CTNNBL1: variants seen among roughly 807,000 people sequenced by gnomAD.
CTNNBL1 encodes the protein catenin beta like 1, also known as beta-catenin-like protein 1.
In CTNNBL1, 31 loss-of-function variants were observed where a neutral mutation model predicts 72.7. The ratio of observed to expected loss-of-function variants is 0.43; its 90% CI spans 0.32 to 0.58. The LOEUF (loss-of-function observed/expected upper bound fraction) is 0.58, where lower values mean the gene tolerates loss of function less well. Ranked by LOEUF, CTNNBL1 falls within the 20% of genes least tolerant of loss-of-function variation. The pLI is 0.08. For synonymous variants in CTNNBL1, 240 were observed against 267.3 expected (o/e 0.90, Z 1.00); for missense variants, 534 against 725.1 (o/e 0.74, Z 3.03).
At chr20:37,828,082 C>T (rs904984739) in intron 11 of CTNNBL1, among the ~76,000 whole-genome samples, 6 of 152,152 alleles carry the variant, frequency 3.9e-5, no homozygotes, top group African/African-American at 9.7e-5. Context: ...TTTATACATA[C>T]GTACCTCTTC....
intron 7 of CTNNBL1, among the ~76,000 whole-genome samples, chr20:37,771,371 C>CCTT: frequency 6.6e-6 from 1 of 152,264 alleles, no homozygotes; most frequent in Admixed American, 6.5e-5. Context: ...GAAATGTGGA[C>CCTT]CTTCTTGTTA....
intron 13 of CTNNBL1, among the ~76,000 whole-genome samples, chr20:37,851,302 C>T (rs1450548499): frequency 6.6e-6 from 1 of 152,138 alleles, no homozygotes; most frequent in African/African-American, 2.4e-5. Context: ...ACAAAACCTA[C>T]CAGAGTATCT....
intron 1 of CTNNBL1, among the ~76,000 whole-genome samples, chr20:37,718,971 T>C (rs998996622): frequency 6.6e-6 from 1 of 152,202 alleles, no homozygotes; most frequent in Admixed American, 6.5e-5. Flanking sequence ...CGGGCTCAAG[T>C]ATTGTCACTA....
chr20:37,863,287 G>A (rs1375558708), intron 15 of CTNNBL1, among the ~76,000 whole-genome samples: 1 of 152,118 alleles, frequency 6.6e-6, no homozygotes, highest in Non-Finnish European at 1.5e-5. Flanking sequence ...CACGCTCCAG[G>A]AACTACTCAG....
In CTNNBL1 at chr20:37,811,743, C is replaced by T. The variant is rs767836838; in HGVS notation, c.1213+8695C>T. Among the ~76,000 whole-genome samples the T allele has an allele frequency of 8.5e-5, 13 of 152,334 alleles. No individual in the cohort carries two copies. The South Asian group carries it at 1.9e-3, about 22-fold the overall frequency. ...CAGGATGAATTTGCCATTCTGGAAG[C>T]AACTGTTCTCTTTCGAGGGAGTGGG... On this transcript the variant is annotated intron_variant, in intron 11 of 15. Transcript: ENST00000361383.
chr20:37,831,806 G>C (rs971513973), intron 11 of CTNNBL1, among the ~76,000 whole-genome samples: 1 of 152,206 alleles, frequency 6.6e-6, no homozygotes, highest in Non-Finnish European at 1.5e-5. Flanking sequence ...GGGAGGGCTG[G>C]TGACGTACCA....
At chr20:37,846,877 A>C (rs2064182) in intron 13 of CTNNBL1, among the ~76,000 whole-genome samples, 124,676 of 152,094 alleles carry the variant, frequency 0.82, 51,188 homozygotes, top group Middle Eastern at 0.89. Flanking sequence ...AGAGAGCCCT[A>C]TCTCCCTAGC....
intron 13 of CTNNBL1, among the ~76,000 whole-genome samples, chr20:37,855,038 C>T (rs2072427087): frequency 1.3e-5 from 2 of 151,332 alleles, no homozygotes; most frequent in East Asian, 1.9e-4. Context: ...GACTGCCTCA[C>T]GCAATGCCTA....
chr20:37,772,582 T>A (rs2073535462), intron 7 of CTNNBL1, among the ~76,000 whole-genome samples: 1 of 152,146 alleles, frequency 6.6e-6, no homozygotes, highest in South Asian at 2.1e-4. Flanking sequence ...TCTCCTGACC[T>A]TGTGATCCGC....
intron 1 of CTNNBL1, among the ~76,000 whole-genome samples, chr20:37,723,195 A>C (rs529299850): frequency 1.3e-5 from 2 of 152,386 alleles, no homozygotes; most frequent in African/African-American, 4.8e-5. Flanking sequence ...ATATATATTC[A>C]GGCTTTAACA....
At chr20:37,778,266 A>G (rs1446841927) in intron 9 of CTNNBL1, among the ~76,000 whole-genome samples, 1 of 152,162 alleles carries the variant, frequency 6.6e-6, no homozygotes, top group Non-Finnish European at 1.5e-5. Context: ...CATTCTGAAA[A>G]TACTGTTAAG....
At chr20:37,870,525 G>A (rs910759) in intron 15 of CTNNBL1, among the ~76,000 whole-genome samples, 114,016 of 151,956 alleles carry the variant, frequency 0.75, 42,927 homozygotes, top group East Asian at 0.85. Context: ...CCCCATTTCC[G>A]GTCTATCTGT....
At position 37,818,405 on chromosome 20, in the gene CTNNBL1, A is replaced by G. The variant is rs1261862069; in HGVS notation, c.1213+15357A>G. 7.9e-5 allele frequency among the ~76,000 whole-genome samples: 12 copies of G among 152,194 alleles called. No homozygotes were observed. The East Asian group carries it at 1.9e-3, about 24-fold the overall frequency. ...GATTGAAAGTAGGTAGAAATTTCCCAAGTGGACAAGAAACAGAAGAGCTTT... is the reference window on the plus strand; with the variant it reads ...GATTGAAAGTAGGTAGAAATTTCCCGAGTGGACAAGAAACAGAAGAGCTTT... On this transcript the variant is annotated intron_variant, in intron 11 of 15. Transcript: ENST00000361383.
At chr20:37,813,846 G>T (rs2072032166) in intron 11 of CTNNBL1, among the ~76,000 whole-genome samples, 1 of 152,150 alleles carries the variant, frequency 6.6e-6, no homozygotes, top group African/African-American at 2.4e-5. Context: ...TGCCAAAATG[G>T]GGAAATAACT....
At chr20:37,870,973 G>A (rs946060489) in intron 15 of CTNNBL1, among the ~76,000 whole-genome samples, 3 of 152,174 alleles carry the variant, frequency 2.0e-5, no homozygotes, top group African/African-American at 4.8e-5. Context: ...AGCCACCTGT[G>A]TATTTTGTTC....
intron 1 of CTNNBL1, among the ~76,000 whole-genome samples, chr20:37,713,353 T>C (rs2072955803): frequency 1.3e-5 from 2 of 152,198 alleles, no homozygotes; most frequent in Admixed American, 6.5e-5. Context: ...CTCCCCTCTC[T>C]GAGTGCTTAA....
At chr20:37,768,683 C>G (rs2073494095) in intron 7 of CTNNBL1, among the ~76,000 whole-genome samples, 1 of 152,168 alleles carries the variant, frequency 6.6e-6, no homozygotes, top group Non-Finnish European at 1.5e-5. Flanking sequence ...ACCACATTCA[C>G]AAAACTTTTC....
chr20:37,818,191 A>C (rs950030621), intron 11 of CTNNBL1, among the ~76,000 whole-genome samples: 3 of 152,216 alleles, frequency 2.0e-5, no homozygotes, highest in Non-Finnish European at 4.4e-5. Flanking sequence ...TGAACACTTA[A>C]TGATTCCAGG....
chr20:37,712,536 C>T (rs1306257457), intron 1 of CTNNBL1, among the ~76,000 whole-genome samples: 1 of 152,196 alleles, frequency 6.6e-6, no homozygotes, highest in African/African-American at 2.4e-5. Flanking sequence ...TTTCAATTGG[C>T]TTATGGGGAA....
Sources: gnomAD v4.1 joint callset for allele counts (sites outside exome capture counted in the v4.1 genomes callset) on GRCh38, gnomAD v4.1.1 for gene constraint, MANE v1.5 for transcripts, NCBI Gene and HGNC (gene_info 2026-07-23, HGNC 2026-07-21) for gene names.